Variants in ZNF407 observed in about 807,000 individuals in gnomAD.
ZNF407 encodes zinc finger protein 407.
In ZNF407, 17 loss-of-function variants were observed where a neutral mutation model predicts 131.2. The observed-to-expected ratio is 0.13, with a 90% confidence interval of 0.09 to 0.19. The LOEUF is 0.19. Ranked by LOEUF, ZNF407 falls within the 10% of genes least tolerant of loss-of-function variation. The pLI is 1.00. For synonymous variants in ZNF407, 1,156 were observed against 1,062.0 expected (o/e 1.09, Z -1.72); for missense variants, 2,681 against 2,830.6 (o/e 0.95, Z 1.20).
At chr18:74,831,946 C>G (rs112977487) in intron 4 of ZNF407, among the ~76,000 whole-genome samples, 208 of 152,346 alleles carry the variant, frequency 1.4e-3, no homozygotes, top group African/African-American at 4.8e-3. Flanking sequence ...TCAATTCTCT[C>G]GTGGCTGCCT....
intron 8 of ZNF407, among the ~76,000 whole-genome samples, chr18:74,931,978 A>C (rs1295999146): frequency 1.3e-5 from 2 of 152,166 alleles, no homozygotes; most frequent in Non-Finnish European, 2.9e-5. Context: ...AGTCTGAGAC[A>C]TGTCTTTTTT....
rs376171988 is a variant in ZNF407, at chr18:74,748,130, T to A, written c.4803-33298T>A. Among the ~76,000 whole-genome samples the A allele has an allele frequency of 2.6e-5, 4 of 152,300 alleles. No individual in the cohort carries two copies. The East Asian group carries it at 5.8e-4, about 22-fold the overall frequency. On this transcript the variant is annotated intron_variant, in intron 3 of 8. Transcript: ENST00000299687. Reference sequence around the variant, plus strand: ...AATATGGGGATATGTTCAACTATTTTAATGCTATAAAGTTTCTTTTCCCAG... The same window carrying A: ...AATATGGGGATATGTTCAACTATTTAAATGCTATAAAGTTTCTTTTCCCAG...
chr18:74,890,823 C>G (rs1262504830), intron 7 of ZNF407, among the ~76,000 whole-genome samples: 1 of 152,168 alleles, frequency 6.6e-6, no homozygotes, highest in Admixed American at 6.5e-5. Context: ...GAGGAGAGAA[C>G]ATCTCAGCCG....
intron 4 of ZNF407, among the ~76,000 whole-genome samples, chr18:74,842,017 C>A (rs908234706): frequency 1.3e-5 from 2 of 152,156 alleles, no homozygotes; most frequent in African/African-American, 4.8e-5. Context: ...AGTCCTTATT[C>A]TTAAGATTAG....
intron 1 of ZNF407, among the ~76,000 whole-genome samples, chr18:74,601,329 CTGTGTGTG>C (rs60358173): frequency 1.4e-3 from 198 of 144,856 alleles, no homozygotes; most frequent in Middle Eastern, 3.5e-3. Flanking sequence ...GTGTGTATGT[CTGTGTGTG>C]TGTGTGTGTG....
chr18:74,681,789 C>T (rs1966989638), intron 3 of ZNF407, among the ~76,000 whole-genome samples: 1 of 152,126 alleles, frequency 6.6e-6, no homozygotes, highest in Non-Finnish European at 1.5e-5. Context: ...ACATGGAGTA[C>T]TTTGAAATTT....
chr18:74,669,455 T>G (rs1986057342), intron 3 of ZNF407, among the ~76,000 whole-genome samples: 1 of 152,172 alleles, frequency 6.6e-6, no homozygotes, highest in South Asian at 2.1e-4. Flanking sequence ...ACCTCCATTC[T>G]TAGGGTAGCG....
chr18:74,838,410 G>A (rs2057703025), intron 4 of ZNF407, among the ~76,000 whole-genome samples: 1 of 152,142 alleles, frequency 6.6e-6, no homozygotes, highest in African/African-American at 2.4e-5. Context: ...GTCGGTGCCT[G>A]TGAAGCTTTT....
At chr18:75,032,896 G>A (rs1436357145) in intron 8 of ZNF407, among the ~76,000 whole-genome samples, 3 of 141,118 alleles carry the variant, frequency 2.1e-5, no homozygotes, top group African/African-American at 8.2e-5. Context: ...CAGAATGGGG[G>A]GAAGATAGTA....
At chr18:74,628,146 T>C (rs1367616670) in intron 1 of ZNF407, among the ~76,000 whole-genome samples, 1 of 152,164 alleles carries the variant, frequency 6.6e-6, no homozygotes, top group East Asian at 1.9e-4. Flanking sequence ...AAGGAATGTA[T>C]CTGAACTAAT....
At chr18:74,852,203 G>GCA (rs1263864896) in intron 4 of ZNF407, among the ~76,000 whole-genome samples, 1 of 147,800 alleles carries the variant, frequency 6.8e-6, no homozygotes. Flanking sequence ...ACACACGCAC[G>GCA]CACGCACGCG....
intron 7 of ZNF407, among the ~76,000 whole-genome samples, chr18:74,891,173 C>G (rs2145197176): frequency 6.6e-6 from 1 of 152,288 alleles, no homozygotes; most frequent in South Asian, 2.1e-4. Flanking sequence ...TGCCTGAAGC[C>G]TGCAAGAGTG....
At chr18:74,771,806 A>T (rs1410689232) in intron 3 of ZNF407, among the ~76,000 whole-genome samples, 4 of 151,724 alleles carry the variant, frequency 2.6e-5, no homozygotes. Context: ...TTTTCTCTTC[A>T]TCATATAAGT....
chr18:74,747,709 C>T (rs767053987), intron 3 of ZNF407, among the ~76,000 whole-genome samples: 1 of 152,028 alleles, frequency 6.6e-6, no homozygotes, highest in Non-Finnish European at 1.5e-5. Flanking sequence ...ATTTTGCTGA[C>T]GTTCAGCACA....
rs1555686945 is a variant in ZNF407 at position 74,777,751 on chromosome 18, C to CAT, written c.4803-3676_4803-3675dup. ...TCGCACTCTCTCTCTCTCTCTCTCT[C>CAT]ATTCACTCAAAACAGAGCAGACAGG... On this transcript the variant is annotated intron_variant, in intron 3 of 8. Transcript: ENST00000299687. Among the ~76,000 whole-genome samples, 890 of 149,664 alleles carry CAT rather than the reference C, an allele frequency of 5.9e-3. 10 individuals are homozygous for CAT. Among genetic ancestry groups the CAT allele is most frequent in the South Asian group, 0.02 (96 of 4,782 alleles).
chr18:75,062,922 T>G, intron 8 of ZNF407: 1 of 442,966 alleles, frequency 2.3e-6, no homozygotes, highest in Admixed American at 3.9e-5. Flanking sequence ...TGTGGGGAAA[T>G]GCACACCCAG....
chr18:74,954,268 G>A (rs1268646386), intron 8 of ZNF407, among the ~76,000 whole-genome samples: 1 of 152,108 alleles, frequency 6.6e-6, no homozygotes. Context: ...CAGACAAAAT[G>A]TTACTTCTGA....
At chr18:74,601,306 TGTG>T (rs1206298573) in intron 1 of ZNF407, among the ~76,000 whole-genome samples, 21 of 125,944 alleles carry the variant, frequency 1.7e-4, no homozygotes, top group Non-Finnish European at 2.8e-4. Context: ...TTCAGTTAGT[TGTG>T]TGTGTGTGTG....
At chr18:74,749,002 G>T (rs1342442114) in intron 3 of ZNF407, among the ~76,000 whole-genome samples, 1 of 152,116 alleles carries the variant, frequency 6.6e-6, no homozygotes, top group East Asian at 1.9e-4. Context: ...CGAAGAGAGC[G>T]CTTGGTGCTC....
Sources: gnomAD v4.1 joint callset for allele counts (sites outside exome capture counted in the v4.1 genomes callset) on GRCh38, gnomAD v4.1.1 for gene constraint, MANE v1.5 for transcripts, NCBI Gene and HGNC (gene_info 2026-07-23, HGNC 2026-07-21) for gene names.